AUTS2: variants seen among roughly 807,000 people sequenced by gnomAD.
The protein encoded by AUTS2 is activator of transcription and developmental regulator AUTS2, also known as autism susceptibility gene 2 protein.
A neutral mutation model predicts 112.4 loss-of-function variants in AUTS2; 17 were observed. The ratio of observed to expected loss-of-function variants is 0.15; its 90% CI spans 0.10 to 0.23. The LOEUF is 0.23. Ranked by LOEUF, AUTS2 falls within the 10% of genes least tolerant of loss-of-function variation. AUTS2 has a pLI of 1.00. For missense variants in AUTS2, 1,510 were observed against 1,701.6 expected, an observed-to-expected ratio of 0.89 and a Z score of 1.98; for synonymous variants, 751 against 702.7, an observed-to-expected ratio of 1.07 and a Z score of -1.09.
At chr7:70,274,327 T>C (rs1272760683) in intron 4 of AUTS2, among the ~76,000 whole-genome samples, 1 of 152,090 alleles carries the variant, frequency 6.6e-6, no homozygotes, top group Non-Finnish European at 1.5e-5. Flanking sequence ...GGGTCTTGCT[T>C]TGTTGCTCAG....
At chr7:69,917,717 A>G (rs1223718134) in intron 2 of AUTS2, among the ~76,000 whole-genome samples, 1 of 152,132 alleles carries the variant, frequency 6.6e-6, no homozygotes, top group Non-Finnish European at 1.5e-5. Flanking sequence ...ATGCCTTTGC[A>G]TACCCATAGC....
At chr7:69,726,995 A>G (rs1584142218) in intron 1 of AUTS2, among the ~76,000 whole-genome samples, 1 of 152,258 alleles carries the variant, frequency 6.6e-6, no homozygotes, top group Non-Finnish European at 1.5e-5. Context: ...ACATCTTTGG[A>G]TAAGCAGAAT....
chr7:70,163,452 A>G (rs1808223504), intron 4 of AUTS2, among the ~76,000 whole-genome samples: 1 of 150,180 alleles, frequency 6.7e-6, no homozygotes, highest in African/African-American at 2.4e-5. Context: ...TCGCTCTGTC[A>G]TGCCCATTCC....
intron 1 of AUTS2, among the ~76,000 whole-genome samples, chr7:69,726,153 A>G (rs1246894226): frequency 2.0e-5 from 3 of 152,210 alleles, no homozygotes; most frequent in Admixed American, 6.5e-5. Flanking sequence ...GTTATAGACC[A>G]TAGTCAGAAC....
rs1329448177 is a variant in AUTS2 at position 70,655,143 on chromosome 7, G to A, written c.691-43426G>A. Among the ~76,000 whole-genome samples the A allele has an allele frequency of 2.0e-5, 3 of 152,310 alleles. No homozygotes were observed. The East Asian group carries it at 5.8e-4, about 29-fold the overall frequency. On this transcript the variant is annotated intron_variant, in intron 5 of 18. Coordinates refer to ENST00000342771, the MANE Select transcript of AUTS2 (RefSeq NM_015570.4). Reference sequence around the variant, plus strand: ...TGCTCTTGGGACATCCCACACTGTAGAGTTACTTTGGCAGTGCCTGGAAGC... The same window carrying A: ...TGCTCTTGGGACATCCCACACTGTAAAGTTACTTTGGCAGTGCCTGGAAGC...
chr7:70,567,898 G>A (rs1283268326), intron 5 of AUTS2, among the ~76,000 whole-genome samples: 1 of 152,174 alleles, frequency 6.6e-6, no homozygotes, highest in Admixed American at 6.5e-5. Context: ...TGAGGGTATA[G>A]CTCTCTAGGA....
chr7:69,777,080 AG>A (rs2129307473), intron 1 of AUTS2, among the ~76,000 whole-genome samples: 1 of 152,328 alleles, frequency 6.6e-6, no homozygotes, highest in South Asian at 2.1e-4. Context: ...AGAAAAACTT[AG>A]TGTTTGAAAG....
At chr7:69,861,939 C>T (rs189458361) in intron 1 of AUTS2, among the ~76,000 whole-genome samples, 1 of 152,200 alleles carries the variant, frequency 6.6e-6, no homozygotes, top group East Asian at 1.9e-4. Context: ...AGTGTGCTTC[C>T]TGGAATCCTG....
intron 3 of AUTS2, among the ~76,000 whole-genome samples, chr7:70,129,949 T>C (rs1806187013): frequency 6.6e-6 from 1 of 151,940 alleles, no homozygotes; most frequent in Non-Finnish European, 1.5e-5. Flanking sequence ...CTATTAGTAA[T>C]CTTATCTCCA....
Position 70,791,905 on chromosome 7 carries a change from A to C in AUTS2, c.*909A>C, listed in dbSNP as rs1041744608. 1.3e-5 allele frequency: 2 copies of C among 152,212 alleles called. No homozygotes were observed. The highest frequency in any genetic ancestry group is 4.8e-5 in the African/African-American group (2 of 41,442). 9.4% of individuals were successfully genotyped at this position (152,212 alleles called of 1,614,324 possible). ...GTGGGATTTGCCAGATGCCAAAATCAGGGGACGGGTGGTGGTGTCTGTCAG... is the reference window on the plus strand; with the variant it reads ...GTGGGATTTGCCAGATGCCAAAATCCGGGGACGGGTGGTGGTGTCTGTCAG... On this transcript the variant is annotated 3_prime_UTR_variant, in exon 19 of 19. Coordinates refer to ENST00000342771, the MANE Select transcript of AUTS2 (RefSeq NM_015570.4).
At chr7:70,543,656 C>A (rs757412832) in intron 5 of AUTS2, among the ~76,000 whole-genome samples, 4 of 152,186 alleles carry the variant, frequency 2.6e-5, no homozygotes, top group Admixed American at 6.5e-5. Context: ...GTTGCCTGTC[C>A]CGTCATGCTT....
intron 5 of AUTS2, among the ~76,000 whole-genome samples, chr7:70,492,556 T>C (rs929212082): frequency 1.2e-4 from 19 of 152,154 alleles, no homozygotes; most frequent in Admixed American, 1.2e-3. Flanking sequence ...GTGGCCGAAG[T>C]GGGTATTTTC....
At chr7:70,399,401 T>C (rs1193593073) in intron 4 of AUTS2, among the ~76,000 whole-genome samples, 3 of 152,168 alleles carry the variant, frequency 2.0e-5, no homozygotes, top group Non-Finnish European at 4.4e-5. Flanking sequence ...TTTTTGCTTA[T>C]GGGTTTGCTT....
chr7:70,403,489 A>G (rs56107513), intron 4 of AUTS2, among the ~76,000 whole-genome samples: 9,799 of 152,216 alleles, frequency 0.064, 363 homozygotes, highest in African/African-American at 0.1. Context: ...CAGATCATCA[A>G]TGTCTGCCTG....
At chr7:70,417,549 G>A (rs1038824375) in intron 4 of AUTS2, among the ~76,000 whole-genome samples, 9 of 152,170 alleles carry the variant, frequency 5.9e-5, no homozygotes, top group East Asian at 1.9e-4. Context: ...TGAAACCCAC[G>A]CTCTTGGCAG....
At chr7:70,167,328 A>G (rs1808436685) in intron 4 of AUTS2, among the ~76,000 whole-genome samples, 1 of 152,214 alleles carries the variant, frequency 6.6e-6, no homozygotes, top group African/African-American at 2.4e-5. Flanking sequence ...ATCACACACA[A>G]TATAGTGATA....
At chr7:70,398,523 T>C (rs1794185961) in intron 4 of AUTS2, among the ~76,000 whole-genome samples, 1 of 152,276 alleles carries the variant, frequency 6.6e-6, no homozygotes, top group Admixed American at 6.5e-5. Flanking sequence ...ATTTTTAAAA[T>C]TTAAATTTTT....
At position 69,771,784 on chromosome 7, in the gene AUTS2, AC is replaced by A. The variant is rs570650900; in HGVS notation, c.310-127500del. Among the ~76,000 whole-genome samples the A allele has an allele frequency of 5.6e-5, 7 of 124,894 alleles. No homozygotes were observed. The South Asian group carries it at 1.6e-3, about 28-fold the overall frequency. The allele number at this position is 124,894 out of a possible 152,430, so 81.9% of individuals were successfully genotyped here. A position where few individuals can be genotyped will look rare whatever the true frequency, so the allele number is the denominator to read the frequency against. On this transcript the variant is annotated intron_variant, in intron 1 of 18. Transcript: ENST00000342771. ...TCTCATACCTGCTGCCTGTCATGTGACCTTTTTTTTTTTTTTGAGATAGAGT... is the reference window on the plus strand; with the variant it reads ...TCTCATACCTGCTGCCTGTCATGTGACTTTTTTTTTTTTTTGAGATAGAGT...
At chr7:69,941,036 T>G (rs1317677507) in intron 2 of AUTS2, among the ~76,000 whole-genome samples, 1 of 152,180 alleles carries the variant, frequency 6.6e-6, no homozygotes, top group African/African-American at 2.4e-5. Context: ...TTTGCCCAGT[T>G]AGAGAATAAT....
Sources: gnomAD v4.1 joint callset for allele counts (sites outside exome capture counted in the v4.1 genomes callset) on GRCh38, gnomAD v4.1.1 for gene constraint, MANE v1.5 for transcripts, NCBI Gene and HGNC (gene_info 2026-07-23, HGNC 2026-07-21) for gene names.